The following PDE9A variants were observed in gnomAD, a reference collection of about 807,000 sequenced individuals.
PDE9A encodes high affinity cGMP-specific 3',5'-cyclic phosphodiesterase 9A.
A neutral mutation model predicts 87.4 loss-of-function variants in PDE9A; 60 were observed. That is an observed-to-expected ratio of 0.69 (90% CI 0.56 to 0.85). The LOEUF is 0.85. Ranked by LOEUF, PDE9A falls within the 40% of genes least tolerant of loss-of-function variation. PDE9A has a pLI of 0.00. For missense variants in PDE9A, 665 were observed against 779.0 expected, an observed-to-expected ratio of 0.85 and a Z score of 1.74; for synonymous variants, 272 against 279.4, an observed-to-expected ratio of 0.97 and a Z score of 0.27.
At chr21:42,703,349 G>A (rs1602150038) in intron 4 of PDE9A, among the ~76,000 whole-genome samples, 2 of 152,338 alleles carry the variant, frequency 1.3e-5, no homozygotes, top group East Asian at 3.9e-4. Flanking sequence ...CAGCAGGAGG[G>A]GCCAGGCCTG....
intron 4 of PDE9A, among the ~76,000 whole-genome samples, chr21:42,715,170 T>C (rs577208150): frequency 2.6e-5 from 4 of 151,108 alleles, no homozygotes; most frequent in African/African-American, 9.8e-5. Context: ...GTTGTAAGTG[T>C]TACAATATGC....
At position 42,760,788 on chromosome 21, in the gene PDE9A, A is replaced by T; in HGVS notation, c.1003-37A>T. 2 of 1,145,930 alleles carry T rather than the reference A, an allele frequency of 1.7e-6. No individual in the cohort carries two copies. The highest frequency in any genetic ancestry group is 2.6e-6 in the Non-Finnish European group (2 of 759,080). The allele number at this position is 1,145,930 out of a possible 1,614,324, so 71.0% of individuals were successfully genotyped here. The stretch of plus-strand genomic sequence containing the variant: ...CTCACCCCATCCCACCCTCCGAGTG[A>T]AGAGAGCAAACACCTACGCCCTGTT... On this transcript the variant is annotated intron_variant, in intron 12 of 19. Transcript: ENST00000291539. The surrounding 1 kb of genome is among the most constrained non-coding windows in gnomAD (Gnocchi z 5.2).
intron 1 of PDE9A, among the ~76,000 whole-genome samples, chr21:42,669,020 A>T (rs1229726144): frequency 6.6e-6 from 1 of 151,162 alleles, no homozygotes; most frequent in African/African-American, 2.4e-5. Context: ...AGTTTCCCCC[A>T]TTGCATACAC....
chr21:42,655,024 A>G (rs1027104335), intron 1 of PDE9A, among the ~76,000 whole-genome samples: 7 of 152,158 alleles, frequency 4.6e-5, no homozygotes, highest in African/African-American at 1.7e-4. Context: ...CTGCAATTGC[A>G]TGGGACTGTA....
chr21:42,679,869 T>C (rs1386181160), intron 1 of PDE9A, among the ~76,000 whole-genome samples: 1 of 152,120 alleles, frequency 6.6e-6, no homozygotes, highest in African/African-American at 2.4e-5. Flanking sequence ...CAGCCTTGTT[T>C]CTTCTAAGTG....
Position 42,769,116 on chromosome 21 carries a change from CAA to C in PDE9A, c.1552_1553del (p.Lys518ValfsTer8). The C allele has an allele frequency of 6.2e-7, 1 of 1,613,896 alleles. No homozygotes were observed. The highest frequency in any genetic ancestry group is 8.5e-7 in the Non-Finnish European group (1 of 1,179,808). ...AGGCCACAGCCCAGATTGGGTTCAT[CAA>C]GTTTGTCCTGATCCCAATGTTTGAA... is the stretch of plus-strand genomic sequence containing the variant. Reference protein sequence around the residue: ...TKATAQIGFIKFVLIPMFETV... With the variant: ...TKATAQIGFIXFVLIPMFETV... On this transcript the variant is annotated frameshift_variant, in exon 17 of 20. Transcript: ENST00000291539. LOFTEE classifies it high-confidence loss of function.
intron 1 of PDE9A, among the ~76,000 whole-genome samples, chr21:42,678,900 G>A (rs1043088256): frequency 6.6e-6 from 1 of 152,210 alleles, no homozygotes; most frequent in Non-Finnish European, 1.5e-5. Context: ...ACTTCCCCTC[G>A]GCGTGTCTGG....
chr21:42,760,138 G>T lies in PDE9A; in HGVS notation c.898-190G>T, dbSNP rs913062877. On this transcript the variant is annotated intron_variant, in intron 11 of 19. Coordinates refer to ENST00000291539, the MANE Select transcript of PDE9A (RefSeq NM_002606.3). This position sits in a 1 kb window ranked among gnomAD's most constrained non-coding sequence, Gnocchi z 5.2. ...TGCCCCGGGTGCCGTGGTGTGGCCC[G>T]CTGGACGTTCTCAGGGTCCCTGTGT... is the stretch of plus-strand genomic sequence containing the variant. Among the ~76,000 whole-genome samples, 1 of 152,078 alleles carries T rather than the reference G, an allele frequency of 6.6e-6. No homozygotes were observed. Among genetic ancestry groups the T allele is most frequent in the Non-Finnish European group, 1.5e-5 (1 of 67,994 alleles).
chr21:42,666,334 C>T (rs2057989962), intron 1 of PDE9A, among the ~76,000 whole-genome samples: 1 of 152,158 alleles, frequency 6.6e-6, no homozygotes, highest in Non-Finnish European at 1.5e-5. Context: ...TGAAGTCTCC[C>T]CGCCTCCCAA....
chr21:42,732,395 G>A (rs926981501), intron 6 of PDE9A, among the ~76,000 whole-genome samples: 5 of 152,228 alleles, frequency 3.3e-5, no homozygotes, highest in Admixed American at 2.6e-4. Context: ...GTTCTCCACC[G>A]GCTCTTCTGG....
In PDE9A at chr21:42,681,753, G is replaced by A. The variant is rs114559220; in HGVS notation, c.70-4439G>A. 2.0e-3 allele frequency among the ~76,000 whole-genome samples: 311 copies of A among 152,270 alleles called. 1 individual carries two copies. The highest frequency in any genetic ancestry group is 7.2e-3 in the African/African-American group (298 of 41,560). ...TTCTCGTAAGCTCCAGCCCTGACTC[G>A]CCTGCAAGCCAGAAGCCAACATAAA... On this transcript the variant is annotated intron_variant, in intron 1 of 19. Coordinates refer to ENST00000291539, the MANE Select transcript of PDE9A (RefSeq NM_002606.3).
intron 4 of PDE9A, among the ~76,000 whole-genome samples, chr21:42,710,902 C>T (rs1489847772): frequency 6.6e-6 from 1 of 152,184 alleles, no homozygotes; most frequent in Non-Finnish European, 1.5e-5. Flanking sequence ...GCAGGAGAAT[C>T]GCTTGAACCC....
At position 42,653,832 on chromosome 21, in the gene PDE9A, C is replaced by T; in HGVS notation, c.18C>T (p.Ser6=). Residue 6 remains serine, a synonymous_variant, in exon 1 of 20, where the codon TCC becomes TCT. Transcript: ENST00000291539. MGSGS[S]SYRPKAIYLD... is the part of the protein sequence containing the mutation. Reference sequence around the variant, plus strand: ...GGCGCAGGATGGGATCCGGCTCCTCCAGCTACCGGCCCAAGGCCATCTACC... The same window carrying T: ...GGCGCAGGATGGGATCCGGCTCCTCTAGCTACCGGCCCAAGGCCATCTACC... 6.4e-7 allele frequency: 1 copy of T among 1,567,442 alleles called. No homozygotes were observed. Among genetic ancestry groups the T allele is most frequent in the East Asian group, 2.5e-5 (1 of 40,298 alleles).
chr21:42,704,433 A>ACACACACAC lies in PDE9A; in HGVS notation c.262+5422_262+5423insCACACACAC, dbSNP rs2048641560. 7.3e-6 allele frequency among the ~76,000 whole-genome samples: 1 copy of ACACACACAC among 137,040 alleles called. No homozygotes were observed. The highest frequency in any genetic ancestry group is 2.2e-4 in the East Asian group (1 of 4,606). The allele number at this position is 137,040 out of a possible 152,430, so 89.9% of individuals were successfully genotyped here. On this transcript the variant is annotated intron_variant, in intron 4 of 19. Transcript: ENST00000291539. The surrounding 1 kb of genome is among the most constrained non-coding windows in gnomAD (Gnocchi z 5.3). ...CAGGTAGACCCCCCCCACCCCACCA[A>ACACACACAC]ACACACACACACACACACACACACA...
chr21:42,714,573 A>C lies in PDE9A; in HGVS notation c.262+15562A>C, dbSNP rs62215419. On this transcript the variant is annotated intron_variant, in intron 4 of 19. Coordinates refer to ENST00000291539, the MANE Select transcript of PDE9A (RefSeq NM_002606.3). ...TGTCGATATGGTTGGGGTTAGCTCTACCAGTCTTTGTTGATATGGTTGGGG... is the reference window on the plus strand; with the variant it reads ...TGTCGATATGGTTGGGGTTAGCTCTCCCAGTCTTTGTTGATATGGTTGGGG... Among the ~76,000 whole-genome samples, 1,050 of 121,424 alleles carry C rather than the reference A, an allele frequency of 8.6e-3. 12 individuals are homozygous for C. Among genetic ancestry groups the C allele is most frequent in the Non-Finnish European group, 0.011 (577 of 52,348 alleles). The allele number at this position is 121,424 out of a possible 152,430, so 79.7% of individuals were successfully genotyped here. A position where few individuals can be genotyped will look rare whatever the true frequency, so the allele number is the denominator to read the frequency against.
intron 4 of PDE9A, among the ~76,000 whole-genome samples, chr21:42,710,933 A>C (rs932159259): frequency 6.6e-6 from 1 of 152,212 alleles, no homozygotes; most frequent in Non-Finnish European, 1.5e-5. Context: ...TGTTGCAGTA[A>C]GCTGAGATCG....
intron 3 of PDE9A, among the ~76,000 whole-genome samples, chr21:42,691,525 T>G (rs1335689744): frequency 1.5e-5 from 2 of 133,778 alleles, no homozygotes; most frequent in Non-Finnish European, 3.2e-5. Flanking sequence ...CAAAGCCACC[T>G]AGCCCATCAC....
chr21:42,772,386 C>A, intron 18 of PDE9A, 53 bp from the exon 19 acceptor site: 1 of 1,202,310 alleles, frequency 8.3e-7, no homozygotes, highest in Non-Finnish European at 1.2e-6. Context: ...GAGGCAGACA[C>A]TCCCCTGCTG....
intron 4 of PDE9A, among the ~76,000 whole-genome samples, chr21:42,709,681 G>T (rs2049135120): frequency 6.6e-6 from 1 of 152,110 alleles, no homozygotes; most frequent in Non-Finnish European, 1.5e-5. Flanking sequence ...GTTTGTTTGT[G>T]TGTGTGTGCG....
Sources: gnomAD v4.1 joint callset for allele counts (sites outside exome capture counted in the v4.1 genomes callset) on GRCh38, gnomAD v4.1.1 for gene constraint, Gnocchi (gnomAD v3.1) non-coding constraint, MANE v1.5 for transcripts, NCBI Gene and HGNC (gene_info 2026-07-23, HGNC 2026-07-21) for gene names.